The following CSMD1 variants were observed in gnomAD, a reference collection of about 807,000 sequenced individuals.
The protein encoded by CSMD1 is CUB and Sushi multiple domains 1.
Under a neutral mutation model 417.5 loss-of-function variants are expected in CSMD1, and 213 were observed. That is an observed-to-expected ratio of 0.51 (90% CI 0.46 to 0.57). CSMD1 has a LOEUF of 0.57. Among genes scored for constraint, CSMD1 ranks in the 20% least tolerant of loss-of-function variants. The pLI, the probability that CSMD1 is intolerant of heterozygous loss-of-function variation, is 0.00. For missense variants in CSMD1, 6,923 were observed against 4,529.7 expected (o/e 1.53, Z -15.17); for synonymous variants, 2,862 against 1,736.8 (o/e 1.65, Z -16.11).
chr8:4,456,647 GA>G (rs1799505835), intron 2 of CSMD1, among the ~76,000 whole-genome samples: 1 of 152,152 alleles, frequency 6.6e-6, no homozygotes, highest in Non-Finnish European at 1.5e-5. Flanking sequence ...CAGTATGGCA[GA>G]GAGACCCTCC....
intron 1 of CSMD1, among the ~76,000 whole-genome samples, chr8:4,894,091 A>T (rs1432178488): frequency 1.3e-5 from 2 of 152,082 alleles, no homozygotes; most frequent in Non-Finnish European, 2.9e-5. Flanking sequence ...AGCTTACCAA[A>T]AGTCTTCATA....
In CSMD1 at chr8:3,406,231, A is replaced by C; in HGVS notation, c.2072-10T>G. 6.4e-7 allele frequency: 1 copy of C among 1,564,712 alleles called. No individual in the cohort carries two copies. Among genetic ancestry groups the C allele is most frequent in the Admixed American group, 2.0e-5 (1 of 50,938 alleles). ...TCATTCTGACCAAATGCTGAAAGAA[A>C]AAGAAGAAGAAAAAAGGAATAAAAA... On this transcript the variant is annotated splice_polypyrimidine_tract_variant and intron_variant, in intron 14 of 69. Coordinates refer to ENST00000635120, the MANE Select transcript of CSMD1 (RefSeq NM_033225.6).
chr8:3,921,078 G>C (rs1046090960), intron 5 of CSMD1, among the ~76,000 whole-genome samples: 6 of 152,114 alleles, frequency 3.9e-5, no homozygotes, highest in African/African-American at 1.2e-4. Context: ...ATAAAATTTA[G>C]TAGTGAAGGT....
chr8:3,261,868 G>A (rs148944148), intron 26 of CSMD1, among the ~76,000 whole-genome samples: 30 of 152,138 alleles, frequency 2.0e-4, no homozygotes, highest in Middle Eastern at 3.4e-3. Context: ...GAGGTCAATG[G>A]GTACGGCTAT....
chr8:3,510,747 C>A (rs1218253912), intron 10 of CSMD1, among the ~76,000 whole-genome samples: 1 of 151,770 alleles, frequency 6.6e-6, no homozygotes, highest in Non-Finnish European at 1.5e-5. Flanking sequence ...ATTTGCATTT[C>A]TGTAATGACC....
intron 1 of CSMD1, among the ~76,000 whole-genome samples, chr8:4,878,188 C>A (rs1387722887): frequency 6.6e-6 from 1 of 151,838 alleles, no homozygotes; most frequent in Non-Finnish European, 1.5e-5. Context: ...GGAGGTGGTT[C>A]TTAAAATCAC....
intron 7 of CSMD1, among the ~76,000 whole-genome samples, chr8:3,706,959 C>A (rs763380795): frequency 2.6e-4 from 40 of 152,040 alleles, no homozygotes; most frequent in Non-Finnish European, 4.7e-4. Context: ...TGTGATTATT[C>A]AATAGAAAGT....
chr8:3,738,993 G>A (rs1796664156), intron 6 of CSMD1, among the ~76,000 whole-genome samples: 2 of 152,142 alleles, frequency 1.3e-5, no homozygotes, highest in African/African-American at 2.4e-5. Flanking sequence ...GATCTATTCA[G>A]AGATATATAT....
At chr8:4,501,665 G>A (rs1025256583) in intron 2 of CSMD1, among the ~76,000 whole-genome samples, 1 of 152,114 alleles carries the variant, frequency 6.6e-6, no homozygotes, top group Non-Finnish European at 1.5e-5. Flanking sequence ...TCCCAGCCAG[G>A]ACATGAATCA....
intron 49 of CSMD1, among the ~76,000 whole-genome samples, chr8:3,060,231 C>T (rs1326566212): frequency 2.0e-5 from 3 of 151,420 alleles, no homozygotes; most frequent in Middle Eastern, 3.2e-3. Context: ...CTCTAACCTC[C>T]ACCTCCCGAG....
intron 1 of CSMD1, among the ~76,000 whole-genome samples, chr8:4,931,450 C>T (rs1184381792): frequency 6.6e-6 from 1 of 152,128 alleles, no homozygotes; most frequent in Admixed American, 6.6e-5. Context: ...ATTTCAAACG[C>T]CCAGCCTGCC....
In CSMD1 at chr8:3,229,772, G is replaced by A. The variant is rs551143256; in HGVS notation, c.4345+268C>T. 2.0e-5 allele frequency among the ~76,000 whole-genome samples: 3 copies of A among 152,274 alleles called. No individual in the cohort carries two copies. In the South Asian group the frequency reaches 6.2e-4, roughly 32 times the overall value. ...AATTTTAAATTACAGACATTTGATT[G>A]ATCCATGTTTATGTAACATTTGTTA... is the stretch of plus-strand genomic sequence containing the variant. On this transcript the variant is annotated intron_variant, in intron 27 of 69. Coordinates refer to ENST00000635120, the MANE Select transcript of CSMD1 (RefSeq NM_033225.6).
At chr8:4,880,994 G>GCCTTT (rs1198588223) in intron 1 of CSMD1, among the ~76,000 whole-genome samples, 20 of 152,092 alleles carry the variant, frequency 1.3e-4, no homozygotes, top group Admixed American at 4.6e-4. Context: ...CAGTAATGAG[G>GCCTTT]CCTTTCCTTT....
chr8:4,039,348 G>A (rs1797771970), intron 3 of CSMD1, among the ~76,000 whole-genome samples: 1 of 152,168 alleles, frequency 6.6e-6, no homozygotes, highest in Admixed American at 6.5e-5. Context: ...ATTTGCTGCT[G>A]AAAGCTCTTC....
intron 10 of CSMD1, among the ~76,000 whole-genome samples, chr8:3,496,539 C>T (rs1157231941): frequency 1.3e-5 from 2 of 152,108 alleles, no homozygotes; most frequent in Non-Finnish European, 2.9e-5. Context: ...TACTATATCT[C>T]ATAGGTTTTG....
chr8:4,224,720 T>C (rs1478802548), intron 3 of CSMD1, among the ~76,000 whole-genome samples: 1 of 152,230 alleles, frequency 6.6e-6, no homozygotes, highest in East Asian at 1.9e-4. Flanking sequence ...AGCTTCTTTT[T>C]TCCTCCCTAG....
chr8:4,037,258 T>C (rs997544658), intron 3 of CSMD1, among the ~76,000 whole-genome samples: 7 of 152,214 alleles, frequency 4.6e-5, no homozygotes, highest in Non-Finnish European at 8.8e-5. Context: ...TTTACTTTTG[T>C]TTATATCAAT....
At chr8:3,673,567 A>G (rs538989363) in intron 7 of CSMD1, among the ~76,000 whole-genome samples, 2 of 152,316 alleles carry the variant, frequency 1.3e-5, no homozygotes, top group East Asian at 3.9e-4. Context: ...CTACCCTCTC[A>G]GTATGCACAT....
intron 12 of CSMD1, among the ~76,000 whole-genome samples, chr8:3,439,281 G>GTGTGTATGTATATATATATATATA (rs1407744154): frequency 1.8e-5 from 1 of 54,344 alleles, no homozygotes; most frequent in Non-Finnish European, 3.3e-5. Flanking sequence ...GGCAATGTCA[G>GTGTGTATGTATATATATATATATA]TATATATATA....
Sources: allele counts gnomAD v4.1 joint callset (sites outside exome capture counted in the v4.1 genomes callset), GRCh38; gene constraint gnomAD v4.1.1; transcripts MANE v1.5; gene names NCBI Gene and HGNC (gene_info 2026-07-23, HGNC 2026-07-21).